The following DOCK5 variants were observed in gnomAD, a reference collection of about 807,000 sequenced individuals.
The protein encoded by DOCK5 is dedicator of cytokinesis 5, also known as dedicator of cytokinesis protein 5.
In DOCK5, 142 loss-of-function variants were observed where a neutral mutation model predicts 251.8. The ratio of observed to expected loss-of-function variants is 0.56; its 90% confidence interval spans 0.49 to 0.65. The LOEUF is 0.65. Ranked by LOEUF, DOCK5 falls within the 30% of genes least tolerant of loss-of-function variation. DOCK5 has a pLI of 0.00. For synonymous variants in DOCK5, 842 were observed against 835.5 expected (o/e 1.01, Z -0.13); for missense variants, 2,111 against 2,312.3 (o/e 0.91, Z 1.79).
intron 36 of DOCK5, 59 bp from the exon 37 acceptor site, chr8:25,374,505 A>G (rs1800929471): frequency 1.3e-6 from 2 of 1,499,860 alleles, no homozygotes; most frequent in Non-Finnish European, 1.8e-6. Flanking sequence ...TCAAAACAGA[A>G]CTAAAAAACC....
rs567152554 is a variant in DOCK5, at chr8:25,342,763, A to G, written c.2617+256A>G. ...ACCCAGGCTGGAGTGCAGTGGCGCA[A>G]TCTCGGCTCACTGCAACCTCGGCCT... On this transcript the variant is annotated intron_variant, in intron 25 of 51. Coordinates refer to ENST00000276440, the MANE Select transcript of DOCK5 (RefSeq NM_024940.8). Among the ~76,000 whole-genome samples the G allele has an allele frequency of 9.0e-5, 12 of 133,208 alleles. No homozygotes were observed. In the South Asian group the frequency reaches 1.3e-3, roughly 14 times the overall value. 87.4% of individuals were successfully genotyped at this position (133,208 alleles called of 152,430 possible).
At chr8:25,409,353 C>T (rs770739183) in intron 50 of DOCK5, 4 of 204,140 alleles carry the variant, frequency 2.0e-5, no homozygotes, top group Non-Finnish European at 4.1e-5. Flanking sequence ...GCAAAGTACC[C>T]ATAGTCCAGA....
At chr8:25,226,147 CAA>C (rs1255220233) in intron 1 of DOCK5, among the ~76,000 whole-genome samples, 1 of 147,766 alleles carries the variant, frequency 6.8e-6, no homozygotes, top group Admixed American at 6.7e-5. Flanking sequence ...TAAAATGAAA[CAA>C]ACATAGAAAT....
intron 1 of DOCK5, among the ~76,000 whole-genome samples, chr8:25,191,292 G>T (rs753780316): frequency 6.6e-6 from 1 of 152,146 alleles, no homozygotes; most frequent in African/African-American, 2.4e-5. Flanking sequence ...TATGGCCACC[G>T]ATGGAATGCA....
chr8:25,409,014 A>G, intron 50 of DOCK5, 74 bp downstream of exon 50: 1 of 1,591,946 alleles, frequency 6.3e-7, no homozygotes, highest in Non-Finnish European at 8.6e-7. Context: ...GCAGTTTGTA[A>G]CTAAACCAGC....
rs1801667254 is a variant in DOCK5 at position 25,413,687 on chromosome 8, T to C, written c.*2389T>C. 6.6e-6 allele frequency: 1 copy of C among 152,242 alleles called. No homozygotes were observed. Among genetic ancestry groups the C allele is most frequent in the Admixed American group, 6.5e-5 (1 of 15,288 alleles). 9.4% of individuals were successfully genotyped at this position (152,242 alleles called of 1,614,324 possible). The stretch of plus-strand genomic sequence containing the variant: ...GGTCTTTGAGCAGAGGCTGGGAAGA[T>C]AGGATACATCACTGTCTGGATACCT... On this transcript the variant is annotated 3_prime_UTR_variant, in exon 52 of 52. Coordinates refer to ENST00000276440, the MANE Select transcript of DOCK5 (RefSeq NM_024940.8).
chr8:25,362,583 C>T (rs1800706576), intron 28 of DOCK5, among the ~76,000 whole-genome samples: 1 of 150,992 alleles, frequency 6.6e-6, no homozygotes, highest in African/African-American at 2.4e-5. Context: ...TCCCCTGCCT[C>T]AGCCTCCCGA....
chr8:25,377,813 C>T (rs1044977366), intron 38 of DOCK5, among the ~76,000 whole-genome samples: 6 of 152,166 alleles, frequency 3.9e-5, no homozygotes, highest in African/African-American at 1.4e-4. Flanking sequence ...CTGTGTCTTC[C>T]CCCTGTGAAC....
chr8:25,261,726 C>T (rs1203695658), intron 2 of DOCK5, among the ~76,000 whole-genome samples: 1 of 152,178 alleles, frequency 6.6e-6, no homozygotes, highest in African/African-American at 2.4e-5. Flanking sequence ...AAACACATTT[C>T]CCTTACCCCA....
At chr8:25,269,446 G>A (rs1161961855) in intron 3 of DOCK5, among the ~76,000 whole-genome samples, 2 of 152,100 alleles carry the variant, frequency 1.3e-5, no homozygotes, top group African/African-American at 2.4e-5. Flanking sequence ...ACTGTTTCAC[G>A]AAACTTTTAT....
intron 1 of DOCK5, among the ~76,000 whole-genome samples, chr8:25,214,011 T>C (rs138424863): frequency 5.9e-4 from 90 of 152,360 alleles, no homozygotes; most frequent in African/African-American, 1.9e-3. Context: ...ACAAAATTCA[T>C]TGGTTTCATA....
intron 38 of DOCK5, among the ~76,000 whole-genome samples, chr8:25,379,813 GC>G (rs1360996593): frequency 6.6e-6 from 1 of 151,420 alleles, no homozygotes; most frequent in Non-Finnish European, 1.5e-5. Flanking sequence ...AGTACTGTTA[GC>G]CTTTTTCCAT....
chr8:25,374,905 T>C (rs1461128176), intron 37 of DOCK5: 30 of 1,308,090 alleles, frequency 2.3e-5, no homozygotes, highest in Non-Finnish European at 2.9e-5. Flanking sequence ...ATTGACACTC[T>C]AATTAAAGCA....
chr8:25,390,849 A>T (rs1417646970), intron 42 of DOCK5, among the ~76,000 whole-genome samples: 2 of 151,696 alleles, frequency 1.3e-5, no homozygotes, highest in African/African-American at 4.8e-5. Context: ...TTGCTCCGTC[A>T]CCCAGGCTGG....
chr8:25,373,745 C>T (rs1006995271), intron 36 of DOCK5, 87 bp downstream of exon 36: 32 of 1,317,758 alleles, frequency 2.4e-5, no homozygotes, highest in East Asian at 7.5e-5. Flanking sequence ...TTCCCAACAC[C>T]GTGTTTGCTG....
At chr8:25,345,345 C>A in intron 25 of DOCK5, 130 bp from the exon 26 acceptor site, 1 of 1,284,472 alleles carries the variant, frequency 7.8e-7, no homozygotes, top group Non-Finnish European at 1.1e-6. Flanking sequence ...CCTGGAGGGG[C>A]TGCATCCCTG....
At chr8:25,396,543 C>T (rs1428517797) in intron 45 of DOCK5, among the ~76,000 whole-genome samples, 1 of 152,206 alleles carries the variant, frequency 6.6e-6, no homozygotes, top group East Asian at 1.9e-4. Flanking sequence ...TTAAAATACA[C>T]ATCATGCATT....
intron 18 of DOCK5, among the ~76,000 whole-genome samples, chr8:25,325,971 T>G (rs1805554481): frequency 1.3e-5 from 2 of 152,002 alleles, no homozygotes; most frequent in African/African-American, 2.4e-5. Context: ...CCTGTTTGAG[T>G]TCTGTCCTTC....
intron 25 of DOCK5, among the ~76,000 whole-genome samples, chr8:25,342,938 C>G (rs1353685326): frequency 1.8e-4 from 28 of 151,884 alleles, no homozygotes; most frequent in Non-Finnish European, 1.0e-4. Flanking sequence ...ATCTCCTGAC[C>G]TCGTGATCCA....
Sources: allele counts gnomAD v4.1 joint callset (sites outside exome capture counted in the v4.1 genomes callset), GRCh38; gene constraint gnomAD v4.1.1; transcripts MANE v1.5; gene names NCBI Gene and HGNC (gene_info 2026-07-23, HGNC 2026-07-21).